Variants in GRIA3 observed in about 807,000 individuals in gnomAD.
GRIA3 encodes the protein glutamate receptor 3.
In GRIA3, 3 loss-of-function variants were observed where a neutral mutation model predicts 63.0. The observed-to-expected ratio is 0.05, with a 90% CI of 0.02 to 0.12. GRIA3 has a LOEUF of 0.12. GRIA3 is among the 10% of genes least tolerant of loss of function. The pLI is 1.00. For missense variants in GRIA3, 347 were observed against 700.9 expected (o/e 0.50, Z 5.70); for synonymous variants, 274 against 257.9 (o/e 1.06, Z -0.60).
chrX:123,474,410 G>T (rs189666452), intron 13 of GRIA3, among the ~76,000 whole-genome samples: 5 of 111,889 alleles, frequency 4.5e-5, no homozygotes, highest in African/African-American at 1.6e-4. Context: ...TTGGCTGGGC[G>T]TGGTGGCTCA....
intron 14 of GRIA3, 40 bp from the exon 15 acceptor site, chrX:123,482,759 G>A: frequency 8.3e-7 from 1 of 1,202,632 alleles, no homozygotes. Context: ...CATTGCCTTT[G>A]TTTTCCCCAA....
intron 2 of GRIA3, among the ~76,000 whole-genome samples, chrX:123,215,823 C>T (rs1264509468): frequency 1.8e-5 from 2 of 111,600 alleles, no homozygotes; most frequent in Admixed American, 1.9e-4. Context: ...TCAGAGAATC[C>T]AAGGACACCC....
intron 4 of GRIA3, among the ~76,000 whole-genome samples, chrX:123,327,598 G>A (rs2147333895): frequency 9.0e-6 from 1 of 110,538 alleles, no homozygotes; most frequent in South Asian, 3.9e-4. Flanking sequence ...GGTGACAAAA[G>A]GAAAGAGAAG....
At chrX:123,409,121 G>A (rs1376427506) in intron 10 of GRIA3, among the ~76,000 whole-genome samples, 1 of 112,064 alleles carries the variant, frequency 8.9e-6, no homozygotes, top group African/African-American at 3.2e-5. Context: ...ATTTCTCTAA[G>A]TTCTTAATGA....
chrX:123,198,710 A>G (rs1391010393), intron 2 of GRIA3, among the ~76,000 whole-genome samples: 1 of 112,041 alleles, frequency 8.9e-6, no homozygotes, highest in Non-Finnish European at 1.9e-5. Context: ...ACTAAGCCTA[A>G]TCATGCCACC....
chrX:123,311,000 CAA>C (rs34433989), intron 3 of GRIA3, among the ~76,000 whole-genome samples: 25,411 of 86,173 alleles, frequency 0.29, 3,196 homozygotes, highest in East Asian at 0.56. Flanking sequence ...GAGAATCTGT[CAA>C]AAAAAAAAAA....
intron 3 of GRIA3, among the ~76,000 whole-genome samples, chrX:123,311,350 TG>T (rs1174246269): frequency 1.8e-5 from 2 of 112,115 alleles, no homozygotes; most frequent in African/African-American, 3.2e-5. Flanking sequence ...GAAGCTTGCA[TG>T]AAAGAGGACT....
chrX:123,416,918 A>T (rs1165077917), intron 10 of GRIA3, among the ~76,000 whole-genome samples: 1 of 112,740 alleles, frequency 8.9e-6, no homozygotes, highest in Non-Finnish European at 1.9e-5. Context: ...CAAACACCTA[A>T]GAATTAAACT....
intron 2 of GRIA3, chrX:123,204,401 C>A: frequency 1.7e-6 from 2 of 1,154,040 alleles, no homozygotes; most frequent in South Asian, 3.8e-5. Flanking sequence ...CTGTTCAAGG[C>A]GTTACAGGTG....
At chrX:123,453,430 T>C (rs367768826) in intron 12 of GRIA3, among the ~76,000 whole-genome samples, 1 of 110,567 alleles carries the variant, frequency 9.0e-6, no homozygotes, top group Non-Finnish European at 1.9e-5. Flanking sequence ...TTAGGAGATA[T>C]ACCTAATGTA....
intron 3 of GRIA3, among the ~76,000 whole-genome samples, chrX:123,298,051 G>A (rs1385838105): frequency 9.0e-6 from 1 of 111,077 alleles, no homozygotes; most frequent in African/African-American, 3.3e-5. Flanking sequence ...CAAAGGACAC[G>A]ATTTTTTTTA....
intron 3 of GRIA3, among the ~76,000 whole-genome samples, chrX:123,263,802 A>C (rs1392449529): frequency 8.9e-6 from 1 of 112,469 alleles, no homozygotes; most frequent in Non-Finnish European, 1.9e-5. Context: ...TTCCATCCTA[A>C]ATCACATGTG....
At chrX:123,482,708 T>G in intron 14 of GRIA3, 91 bp from the exon 15 acceptor site, 1 of 1,006,089 alleles carries the variant, frequency 9.9e-7, no homozygotes. Context: ...TATTTTACAA[T>G]TTAGAACTCC....
In GRIA3 at chrX:123,412,604, A is replaced by C. The variant is rs1014689282; in HGVS notation, c.1501-4798A>C. On this transcript the variant is annotated intron_variant, in intron 10 of 15. Transcript: ENST00000620443. Reference sequence around the variant, plus strand: ...AGTTCTGCTGCTTGGTTTCTTACCAAACATACAAGAAAGGAGAAGAGTTGC... The same window carrying C: ...AGTTCTGCTGCTTGGTTTCTTACCACACATACAAGAAAGGAGAAGAGTTGC... 7.2e-5 allele frequency among the ~76,000 whole-genome samples: 8 copies of C among 111,431 alleles called. No individual in the cohort carries two copies. In the Admixed American group the frequency reaches 7.7e-4, roughly 11 times the overall value.
chrX:123,256,101 G>A (rs1342120416), intron 3 of GRIA3, among the ~76,000 whole-genome samples: 1 of 110,933 alleles, frequency 9.0e-6, no homozygotes, highest in African/African-American at 3.3e-5. Flanking sequence ...ACTACTACCT[G>A]GAATTCTCTC....
chrX:123,229,528 C>T (rs979460763), intron 2 of GRIA3, among the ~76,000 whole-genome samples: 2 of 112,159 alleles, frequency 1.8e-5, no homozygotes, highest in Admixed American at 9.4e-5. Context: ...GCAGCCATCT[C>T]CTGGATTATT....
intron 3 of GRIA3, among the ~76,000 whole-genome samples, chrX:123,287,135 A>G (rs1316056951): frequency 8.9e-6 from 1 of 111,997 alleles, no homozygotes; most frequent in Non-Finnish European, 1.9e-5. Context: ...CACATAATCC[A>G]TCACATAAAC....
chrX:123,308,969 T>G (rs1465131103), intron 3 of GRIA3, among the ~76,000 whole-genome samples: 1 of 112,555 alleles, frequency 8.9e-6, no homozygotes, highest in Non-Finnish European at 1.9e-5. Context: ...ACCTCCTCAG[T>G]GGAGAGCAAT....
intron 6 of GRIA3, among the ~76,000 whole-genome samples, chrX:123,395,451 A>T (rs2045408278): frequency 8.9e-6 from 1 of 112,243 alleles, no homozygotes; most frequent in African/African-American, 3.2e-5. Context: ...GGCAGTGGGA[A>T]CAGGTAAGGA....
Sources: allele counts gnomAD v4.1 joint callset (sites outside exome capture counted in the v4.1 genomes callset), GRCh38; gene constraint gnomAD v4.1.1; transcripts MANE v1.5; gene names NCBI Gene and HGNC (gene_info 2026-07-23, HGNC 2026-07-21).